Variants in GRIK2 observed in about 807,000 individuals in gnomAD.
GRIK2 encodes the protein glutamate receptor ionotropic, kainate 2.
Under a neutral mutation model 100.3 loss-of-function variants are expected in GRIK2, and 32 were observed. The observed-to-expected ratio is 0.32, with a 90% CI of 0.24 to 0.43. The LOEUF (loss-of-function observed/expected upper bound fraction) is 0.43. GRIK2 is among the 20% of genes least tolerant of loss of function. The pLI, the probability that GRIK2 is intolerant of heterozygous loss-of-function variation, is 1.00. For missense variants in GRIK2, 843 were observed against 1,114.9 expected (o/e 0.76, Z 3.47); for synonymous variants, 417 against 389.4 (o/e 1.07, Z -0.83).
At chr6:101,974,903 G>A (rs1361018252) in intron 14 of GRIK2, among the ~76,000 whole-genome samples, 5 of 151,884 alleles carry the variant, frequency 3.3e-5, no homozygotes, top group East Asian at 1.9e-4. Flanking sequence ...TTTAAAAATC[G>A]AATTGAATTT....
intron 2 of GRIK2, among the ~76,000 whole-genome samples, chr6:101,464,125 G>A (rs1771487458): frequency 6.6e-6 from 1 of 152,152 alleles, no homozygotes; most frequent in Non-Finnish European, 1.5e-5. Context: ...CTTACATGAA[G>A]TGTGTATGAA....
chr6:101,545,717 C>T (rs2128290230), intron 2 of GRIK2, among the ~76,000 whole-genome samples: 1 of 152,148 alleles, frequency 6.6e-6, no homozygotes, highest in Admixed American at 6.5e-5. Context: ...AATTTTGACT[C>T]AACTTGAAAG....
At chr6:101,925,236 T>C (rs921343256) in intron 13 of GRIK2, among the ~76,000 whole-genome samples, 1 of 152,168 alleles carries the variant, frequency 6.6e-6, no homozygotes, top group East Asian at 1.9e-4. Context: ...CTGCATTTGA[T>C]AGCATATAAG....
intron 2 of GRIK2, among the ~76,000 whole-genome samples, chr6:101,528,620 G>A (rs1775268213): frequency 6.6e-6 from 1 of 152,120 alleles, no homozygotes; most frequent in Admixed American, 6.6e-5. Flanking sequence ...AGTTTTCAAA[G>A]TGTTACTGGC....
chr6:101,627,385 A>G (rs1289352620), intron 4 of GRIK2, among the ~76,000 whole-genome samples: 5 of 152,084 alleles, frequency 3.3e-5, no homozygotes, highest in African/African-American at 9.6e-5. Context: ...TAAAAGATTC[A>G]CCTGCCTTGG....
At chr6:101,986,565 G>C (rs778660761) in intron 14 of GRIK2, among the ~76,000 whole-genome samples, 8 of 151,840 alleles carry the variant, frequency 5.3e-5, no homozygotes, top group Non-Finnish European at 1.0e-4. Flanking sequence ...AAATACAGAG[G>C]TTTGTTTGCT....
At chr6:101,948,121 T>C (rs1020803445) in intron 14 of GRIK2, among the ~76,000 whole-genome samples, 1 of 152,160 alleles carries the variant, frequency 6.6e-6, no homozygotes, top group South Asian at 2.1e-4. Flanking sequence ...TACCTTTAAA[T>C]TGACTTTTTA....
chr6:101,804,725 T>C (rs766852165), intron 9 of GRIK2, among the ~76,000 whole-genome samples: 10 of 151,850 alleles, frequency 6.6e-5, no homozygotes, highest in East Asian at 5.8e-4. Flanking sequence ...GTACCGAGGA[T>C]GGGTGGAGGT....
At chr6:101,450,848 AT>A (rs1245789841) in intron 2 of GRIK2, among the ~76,000 whole-genome samples, 3 of 151,648 alleles carry the variant, frequency 2.0e-5, no homozygotes, top group Admixed American at 6.6e-5. Flanking sequence ...AGAGTAAGAG[AT>A]TTATTTTTTG....
At chr6:101,587,081 T>C (rs944795031) in intron 2 of GRIK2, among the ~76,000 whole-genome samples, 2 of 151,898 alleles carry the variant, frequency 1.3e-5, no homozygotes, top group African/African-American at 4.8e-5. Flanking sequence ...TTGAATGGAT[T>C]GATATGTATA....
In GRIK2 at chr6:101,742,866, A is replaced by AC. The variant is rs576096382; in HGVS notation, c.951+56519dup. Among the ~76,000 whole-genome samples, 69 of 152,038 alleles carry AC rather than the reference A, an allele frequency of 4.5e-4. No individual in the cohort carries two copies. In the East Asian group the frequency reaches 0.011, roughly 25 times the overall value. ...GGAGAGGTATAATGAGGCATGCTAGACCCCCCACTTCCCATCATGGCCTAA... is the reference window on the plus strand; with the variant it reads ...GGAGAGGTATAATGAGGCATGCTAGACCCCCCCACTTCCCATCATGGCCTAA... On this transcript the variant is annotated intron_variant, in intron 7 of 16. Coordinates refer to ENST00000369134, the MANE Select transcript of GRIK2 (RefSeq NM_021956.5).
chr6:101,419,704 T>A (rs1055114620), intron 2 of GRIK2, among the ~76,000 whole-genome samples: 1 of 152,202 alleles, frequency 6.6e-6, no homozygotes, highest in Non-Finnish European at 1.5e-5. Flanking sequence ...TTAAGTAATT[T>A]GTTCCAAATG....
intron 2 of GRIK2, among the ~76,000 whole-genome samples, chr6:101,523,960 G>A (rs975006401): frequency 2.6e-5 from 4 of 152,082 alleles, no homozygotes; most frequent in South Asian, 2.1e-4. Flanking sequence ...GACCTCAAGC[G>A]ATCCACCCGC....
At chr6:102,056,968 G>T (rs1215627242) in intron 16 of GRIK2, among the ~76,000 whole-genome samples, 1 of 151,802 alleles carries the variant, frequency 6.6e-6, no homozygotes, top group African/African-American at 2.4e-5. Context: ...ATGCTTGCTT[G>T]GCTAACTCAA....
chr6:101,986,609 A>T (rs1378917877), intron 14 of GRIK2, among the ~76,000 whole-genome samples: 2 of 151,904 alleles, frequency 1.3e-5, no homozygotes, highest in Non-Finnish European at 2.9e-5. Flanking sequence ...ATAAAAACTC[A>T]TATTTTCAGT....
chr6:101,854,443 A>G (rs1339380243), intron 10 of GRIK2, among the ~76,000 whole-genome samples: 2 of 152,096 alleles, frequency 1.3e-5, no homozygotes, highest in Non-Finnish European at 2.9e-5. Context: ...TATTTTTAGT[A>G]GAGATGGAGT....
intron 7 of GRIK2, among the ~76,000 whole-genome samples, chr6:101,775,545 G>GTT (rs1562376158): frequency 0.18 from 44 of 248 alleles, no homozygotes; most frequent in African/African-American, 0.32. Flanking sequence ...ATATATATGT[G>GTT]TGTGAGATAT....
intron 2 of GRIK2, among the ~76,000 whole-genome samples, chr6:101,615,396 A>G (rs1745351969): frequency 6.6e-6 from 1 of 151,768 alleles, no homozygotes; most frequent in South Asian, 2.1e-4. Flanking sequence ...TATGGAGAAT[A>G]AGGAATTAGA....
chr6:101,960,256 C>A (rs1792211968), intron 14 of GRIK2, among the ~76,000 whole-genome samples: 1 of 151,220 alleles, frequency 6.6e-6, no homozygotes, highest in South Asian at 2.1e-4. Flanking sequence ...CTTCTGATTT[C>A]TTTGGTTTTT....
Sources: allele counts gnomAD v4.1 joint callset (sites outside exome capture counted in the v4.1 genomes callset), GRCh38; gene constraint gnomAD v4.1.1; transcripts MANE v1.5; gene names NCBI Gene and HGNC (gene_info 2026-07-23, HGNC 2026-07-21).